Variants in TMEFF2 observed in about 807,000 individuals in gnomAD.
TMEFF2 encodes transmembrane protein with EGF like and two follistatin like domains 2.
Under a neutral mutation model 53.8 loss-of-function variants are expected in TMEFF2, and 28 were observed. That is an observed-to-expected ratio of 0.52 (90% confidence interval 0.39 to 0.71). The LOEUF (loss-of-function observed/expected upper bound fraction) is 0.71, where lower values mean the gene tolerates loss of function less well. Ranked by LOEUF, TMEFF2 falls within the 30% of genes least tolerant of loss-of-function variation. The pLI is 0.00. For missense variants in TMEFF2, 353 were observed against 455.2 expected, an observed-to-expected ratio of 0.78 and a Z score of 2.04; for synonymous variants, 162 against 166.3, an observed-to-expected ratio of 0.97 and a Z score of 0.20.
chr2:192,119,462 T>C (rs780509504), intron 4 of TMEFF2, among the ~76,000 whole-genome samples: 1 of 152,202 alleles, frequency 6.6e-6, no homozygotes, highest in Non-Finnish European at 1.5e-5. Flanking sequence ...TTGAGTATAT[T>C]TGTCACTTGG....
intron 4 of TMEFF2, among the ~76,000 whole-genome samples, chr2:192,080,324 A>G (rs957277172): frequency 7.9e-5 from 12 of 152,128 alleles, no homozygotes; most frequent in South Asian, 4.1e-4. Context: ...TTCTCCTGAT[A>G]GTGAGTGAGT....
In TMEFF2 at chr2:192,194,896, G is replaced by A. The variant is rs928341040; in HGVS notation, c.-372C>T. Reference sequence around the variant, plus strand: ...GGAGAGTCAAGGCGCCCCGCAGCCCGGCAGCCGCCTCTCGAGCTCTGCCGC... The same window carrying A: ...GGAGAGTCAAGGCGCCCCGCAGCCCAGCAGCCGCCTCTCGAGCTCTGCCGC... On this transcript the variant is annotated 5_prime_UTR_variant, in exon 1 of 10. Transcript: ENST00000272771. This position sits in a 1 kb window ranked among gnomAD's most constrained non-coding sequence, Gnocchi z 4.2. 10 of 226,538 alleles carry A rather than the reference G, an allele frequency of 4.4e-5. No homozygotes were observed. The highest frequency in any genetic ancestry group is 1.6e-4 in the African/African-American group (7 of 43,094). The allele number at this position is 226,538 out of a possible 1,614,324, so 14.0% of individuals were successfully genotyped here.
In TMEFF2 at chr2:191,971,273, C is replaced by T. The variant is rs1692632158; in HGVS notation, c.746-14895G>A. Among the ~76,000 whole-genome samples the T allele has an allele frequency of 2.0e-5, 3 of 152,196 alleles. No individual in the cohort carries two copies. In the South Asian group the frequency reaches 6.2e-4, roughly 32 times the overall value. On this transcript the variant is annotated intron_variant, in intron 7 of 9. Transcript: ENST00000272771. ...TTAACACCCTCCAGGTATATAATTA[C>T]ACTCCTTTCTAAGTACATGGTTAAC...
At chr2:192,157,930 C>T (rs952358368) in intron 4 of TMEFF2, among the ~76,000 whole-genome samples, 5 of 152,150 alleles carry the variant, frequency 3.3e-5, no homozygotes, top group Middle Eastern at 3.4e-3. Flanking sequence ...TCTTCATGTG[C>T]GTTTCCTTTA....
At chr2:192,108,077 G>A (rs747526812) in intron 4 of TMEFF2, among the ~76,000 whole-genome samples, 2 of 151,508 alleles carry the variant, frequency 1.3e-5, no homozygotes. Flanking sequence ...CTAGTCGTTC[G>A]TTATATGTGA....
At chr2:191,978,547 C>T (rs1226122877) in intron 7 of TMEFF2, among the ~76,000 whole-genome samples, 6 of 151,662 alleles carry the variant, frequency 4.0e-5, no homozygotes, top group Admixed American at 3.3e-4. Flanking sequence ...CTTTTTCTTC[C>T]CCATTGATAC....
intron 4 of TMEFF2, among the ~76,000 whole-genome samples, chr2:192,157,764 G>A (rs1690540727): frequency 6.6e-6 from 1 of 151,882 alleles, no homozygotes; most frequent in South Asian, 2.1e-4. Flanking sequence ...TTTGATAATA[G>A]GAAATTATTT....
At chr2:192,000,625 C>A (rs189197565) in intron 5 of TMEFF2, among the ~76,000 whole-genome samples, 2 of 152,116 alleles carry the variant, frequency 1.3e-5, no homozygotes, top group African/African-American at 2.4e-5. Flanking sequence ...GGAATCACTG[C>A]TTGATCAGTC....
At chr2:191,953,595 G>A in intron 9 of TMEFF2, 84 bp downstream of exon 9, 1 of 1,496,470 alleles carries the variant, frequency 6.7e-7, no homozygotes, top group African/African-American at 1.4e-5. Flanking sequence ...GTCCATGAAG[G>A]AACTCACCTC....
chr2:192,015,714 G>A (rs564363612), intron 5 of TMEFF2, among the ~76,000 whole-genome samples: 13 of 152,106 alleles, frequency 8.5e-5, no homozygotes, highest in South Asian at 2.1e-4. Flanking sequence ...GGGAAGGCTC[G>A]TTTCTATGAG....
chr2:192,046,943 T>C (rs763895581), intron 5 of TMEFF2, among the ~76,000 whole-genome samples: 5 of 151,708 alleles, frequency 3.3e-5, no homozygotes, highest in African/African-American at 9.7e-5. Flanking sequence ...TTTTTTTAGA[T>C]GGAGTCTTGC....
intron 4 of TMEFF2, among the ~76,000 whole-genome samples, chr2:192,112,141 C>T (rs1359362656): frequency 6.6e-6 from 1 of 152,176 alleles, no homozygotes; most frequent in Non-Finnish European, 1.5e-5. Flanking sequence ...GAGAAGAAGA[C>T]CATCATCCTC....
intron 4 of TMEFF2, among the ~76,000 whole-genome samples, chr2:192,156,342 T>A (rs1690505856): frequency 6.6e-6 from 1 of 152,070 alleles, no homozygotes; most frequent in African/African-American, 2.4e-5. Flanking sequence ...TCAAAACAAC[T>A]CTATGAGGCA....
intron 5 of TMEFF2, among the ~76,000 whole-genome samples, chr2:192,020,669 A>G (rs1036515574): frequency 3.3e-5 from 5 of 152,098 alleles, no homozygotes; most frequent in African/African-American, 1.2e-4. Context: ...AAAAAGTGTT[A>G]TGGTAAGGGA....
In TMEFF2 at chr2:192,179,714, AT is replaced by A. The variant is rs940924950; in HGVS notation, c.413-21del. ...CTGCATCTGTGGGGGGAAAAGTTAT[AT>A]TTGCTAGTAAAACATATTCAAAAAT... is the stretch of plus-strand genomic sequence containing the variant. On this transcript the variant is annotated intron_variant, in intron 3 of 9. Coordinates refer to ENST00000272771, the MANE Select transcript of TMEFF2 (RefSeq NM_016192.4). The A allele has an allele frequency of 2.6e-6, 4 of 1,517,344 alleles. No homozygotes were observed. The African/African-American group carries it at 5.8e-5, about 22-fold the overall frequency. The allele number at this position is 1,517,344 out of a possible 1,614,324, so 94.0% of individuals were successfully genotyped here.
At chr2:192,122,093 A>G (rs1045131576) in intron 4 of TMEFF2, among the ~76,000 whole-genome samples, 8 of 152,302 alleles carry the variant, frequency 5.3e-5, no homozygotes, top group African/African-American at 1.7e-4. Flanking sequence ...CAGGTGATGA[A>G]TATGCCAATT....
chr2:191,970,883 C>T (rs758662233), intron 7 of TMEFF2, among the ~76,000 whole-genome samples: 3 of 152,158 alleles, frequency 2.0e-5, no homozygotes, highest in Non-Finnish European at 4.4e-5. Context: ...TAATCGTGTA[C>T]TGTTTTACTC....
intron 7 of TMEFF2, among the ~76,000 whole-genome samples, chr2:191,975,262 CTTCT>C (rs1685685451): frequency 6.6e-5 from 2 of 30,156 alleles, no homozygotes; most frequent in Admixed American, 5.3e-4. Context: ...TTTTCTTTTT[CTTCT>C]TTTTTTTTTT....
intron 4 of TMEFF2, among the ~76,000 whole-genome samples, chr2:192,095,175 T>C (rs1266725162): frequency 2.0e-5 from 3 of 152,154 alleles, no homozygotes; most frequent in Non-Finnish European, 4.4e-5. Context: ...CAGAGTCCTA[T>C]TAGGCTTCTT....
Sources: allele counts gnomAD v4.1 joint callset (sites outside exome capture counted in the v4.1 genomes callset), GRCh38; gene constraint gnomAD v4.1.1; non-coding constraint Gnocchi (gnomAD v3.1); transcripts MANE v1.5; gene names NCBI Gene and HGNC (gene_info 2026-07-23, HGNC 2026-07-21).